SORCS1: variants seen among roughly 807,000 people sequenced by gnomAD.
SORCS1 encodes sortilin related VPS10 domain containing receptor 1, also known as VPS10 domain-containing receptor SorCS1.
SORCS1 carries 60 observed loss-of-function variants against 146.1 expected under a neutral mutation model. The ratio of observed to expected loss-of-function variants is 0.41; its 90% CI spans 0.33 to 0.51. SORCS1 has a LOEUF of 0.51. SORCS1 is among the 20% of genes least tolerant of loss of function. The pLI is 0.21. For synonymous variants in SORCS1, 637 were observed against 584.0 expected, an observed-to-expected ratio of 1.09 and a Z score of -1.31; for missense variants, 1,352 against 1,487.6, an observed-to-expected ratio of 0.91 and a Z score of 1.50.
intron 1 of SORCS1, among the ~76,000 whole-genome samples, chr10:107,105,079 C>T (rs941007213): frequency 5.3e-5 from 8 of 152,078 alleles, no homozygotes; most frequent in African/African-American, 9.7e-5. Context: ...ATACTGATAC[C>T]GATCATAATA....
intron 2 of SORCS1, among the ~76,000 whole-genome samples, chr10:106,932,049 G>A (rs1002171020): frequency 9.9e-5 from 15 of 152,200 alleles, no homozygotes; most frequent in Admixed American, 2.0e-4. Flanking sequence ...GTTTGGGGAC[G>A]TTGACAGTTA....
At chr10:106,986,150 T>C (rs1485299589) in intron 1 of SORCS1, among the ~76,000 whole-genome samples, 1 of 152,116 alleles carries the variant, frequency 6.6e-6, no homozygotes, top group Non-Finnish European at 1.5e-5. Flanking sequence ...TGTATATCTA[T>C]CTTAAATGAG....
chr10:107,155,591 T>G (rs1192900063), intron 1 of SORCS1, among the ~76,000 whole-genome samples: 1 of 152,146 alleles, frequency 6.6e-6, no homozygotes, highest in Non-Finnish European at 1.5e-5. Context: ...GTGCCCAAAA[T>G]AGCCTTTTTC....
intron 17 of SORCS1, among the ~76,000 whole-genome samples, chr10:106,658,177 A>G (rs1038530858): frequency 7.9e-5 from 12 of 152,222 alleles, no homozygotes; most frequent in African/African-American, 1.7e-4. Context: ...CCTGACCTCA[A>G]TGCATTTTTC....
At chr10:106,640,623 T>C (rs1284147696) in intron 18 of SORCS1, among the ~76,000 whole-genome samples, 1 of 152,248 alleles carries the variant, frequency 6.6e-6, no homozygotes. Context: ...TGTTGAGTTC[T>C]TCAGACTGAT....
At chr10:106,700,080 A>C (rs944936947) in intron 8 of SORCS1, among the ~76,000 whole-genome samples, 1 of 152,200 alleles carries the variant, frequency 6.6e-6, no homozygotes, top group Admixed American at 6.5e-5. Flanking sequence ...GCTGCTTATC[A>C]AAATCTAAAC....
At chr10:106,868,263 C>T (rs1374656714) in intron 2 of SORCS1, among the ~76,000 whole-genome samples, 1 of 152,106 alleles carries the variant, frequency 6.6e-6, no homozygotes, top group African/African-American at 2.4e-5. Context: ...GAGACTTCAA[C>T]ACCCCACTGA....
At chr10:106,668,406 T>G (rs529403066) in intron 16 of SORCS1, among the ~76,000 whole-genome samples, 1 of 152,240 alleles carries the variant, frequency 6.6e-6, no homozygotes, top group Non-Finnish European at 1.5e-5. Flanking sequence ...TGGGACTAAC[T>G]GTTTTAAATC....
chr10:106,669,437 CA>C (rs1254083296), intron 16 of SORCS1, among the ~76,000 whole-genome samples: 9 of 151,882 alleles, frequency 5.9e-5, no homozygotes, highest in Non-Finnish European at 7.4e-5. Flanking sequence ...TTTCTTAAGG[CA>C]AAAGCTAAAC....
At chr10:107,087,651 T>C (rs7070585) in intron 1 of SORCS1, among the ~76,000 whole-genome samples, 1,525 of 152,322 alleles carry the variant, frequency 0.01, 32 homozygotes, top group African/African-American at 0.034. Context: ...AGGTGACAAG[T>C]AGCACAAGAT....
chr10:107,147,959 G>A (rs1968472895), intron 1 of SORCS1, among the ~76,000 whole-genome samples: 1 of 152,168 alleles, frequency 6.6e-6, no homozygotes, highest in African/African-American at 2.4e-5. Flanking sequence ...TCGTCAGACA[G>A]GAGGTGATAT....
chr10:106,792,055 TCTTA>T (rs1346535482), intron 3 of SORCS1, among the ~76,000 whole-genome samples: 1 of 152,358 alleles, frequency 6.6e-6, no homozygotes, highest in East Asian at 1.9e-4. Context: ...ACATTGTTAT[TCTTA>T]CTTCATAGTC....
intron 18 of SORCS1, among the ~76,000 whole-genome samples, chr10:106,645,165 T>C (rs1298338520): frequency 1.9e-5 from 2 of 105,030 alleles, no homozygotes; most frequent in South Asian, 3.9e-4. Flanking sequence ...AGAGGGTGTC[T>C]TATTATTTTT....
chr10:107,038,942 T>C (rs1959038967), intron 1 of SORCS1, among the ~76,000 whole-genome samples: 2 of 152,074 alleles, frequency 1.3e-5, no homozygotes, highest in Admixed American at 1.3e-4. Context: ...AGAGGAGTCA[T>C]TTACAAAGCA....
intron 1 of SORCS1, among the ~76,000 whole-genome samples, chr10:107,084,201 C>G (rs1440641439): frequency 6.7e-6 from 1 of 149,482 alleles, no homozygotes; most frequent in African/African-American, 2.5e-5. Flanking sequence ...GTTCACGCCA[C>G]TCTCCTGCCT....
intron 1 of SORCS1, among the ~76,000 whole-genome samples, chr10:107,123,473 G>A (rs965801188): frequency 6.6e-6 from 1 of 152,184 alleles, no homozygotes; most frequent in Non-Finnish European, 1.5e-5. Context: ...CAGGGAATAT[G>A]TCAAAATTAG....
chr10:106,727,625 A>G (rs1448199258), intron 6 of SORCS1, among the ~76,000 whole-genome samples: 1 of 152,240 alleles, frequency 6.6e-6, no homozygotes, highest in African/African-American at 2.4e-5. Context: ...AAAAGAAAGT[A>G]TAATTTCAAA....
chr10:107,101,338 G>A (rs932762640), intron 1 of SORCS1, among the ~76,000 whole-genome samples: 1 of 152,160 alleles, frequency 6.6e-6, no homozygotes, highest in African/African-American at 2.4e-5. Context: ...GAGCCACCGT[G>A]CCCGGTCTAT....
At chr10:106,584,072 T>C (rs1161606052) in intron 24 of SORCS1, among the ~76,000 whole-genome samples, 1 of 152,194 alleles carries the variant, frequency 6.6e-6, no homozygotes, top group Non-Finnish European at 1.5e-5. Flanking sequence ...TTTCCTCTCC[T>C]GACCCCAAAG....
Sources: allele counts gnomAD v4.1 joint callset (sites outside exome capture counted in the v4.1 genomes callset), GRCh38; gene constraint gnomAD v4.1.1; transcripts MANE v1.5; gene names NCBI Gene and HGNC (gene_info 2026-07-23, HGNC 2026-07-21).